AOAH: variants seen among roughly 807,000 people sequenced by gnomAD.
AOAH encodes acyloxyacyl hydrolase.
A neutral mutation model predicts 92.2 loss-of-function variants in AOAH; 64 were observed. The observed-to-expected ratio is 0.69, with a 90% CI of 0.57 to 0.86. The LOEUF is 0.86. Among genes scored for constraint, AOAH ranks in the 40% least tolerant of loss-of-function variants. The pLI, the probability that AOAH is intolerant of heterozygous loss-of-function variation, is 0.00. For missense variants in AOAH, 656 were observed against 694.6 expected (o/e 0.94, Z 0.62); for synonymous variants, 263 against 254.5 (o/e 1.03, Z -0.32).
chr7:36,585,877 T>C (rs571393138), intron 12 of AOAH, among the ~76,000 whole-genome samples: 2 of 152,324 alleles, frequency 1.3e-5, no homozygotes, highest in East Asian at 1.9e-4. Context: ...TTTTACTTTA[T>C]ACACATTAAT....
intron 12 of AOAH, among the ~76,000 whole-genome samples, chr7:36,592,384 G>T (rs1789806153): frequency 6.6e-6 from 1 of 152,130 alleles, no homozygotes; most frequent in Non-Finnish European, 1.5e-5. Flanking sequence ...CCAGATGTCT[G>T]TGCTTATTGG....
intron 6 of AOAH, among the ~76,000 whole-genome samples, chr7:36,626,122 A>G (rs962168474): frequency 2.0e-5 from 3 of 152,170 alleles, no homozygotes; most frequent in Non-Finnish European, 4.4e-5. Flanking sequence ...TTTCTAGTTG[A>G]GAAAAGGAAG....
chr7:36,711,993 C>T (rs1313242194), intron 1 of AOAH, among the ~76,000 whole-genome samples: 1 of 152,148 alleles, frequency 6.6e-6, no homozygotes, highest in Non-Finnish European at 1.5e-5. Flanking sequence ...AAAGGAGACT[C>T]AATTTAACCA....
intron 12 of AOAH, among the ~76,000 whole-genome samples, chr7:36,590,338 T>C (rs12673972): frequency 0.24 from 36,047 of 151,724 alleles, 5,235 homozygotes; most frequent in African/African-American, 0.4. Context: ...CTACTCAATC[T>C]CTTCCTGAAT....
Position 36,692,138 on chromosome 7 carries a change from C to G in AOAH, c.128-5344G>C, listed in dbSNP as rs796733410. ...TGGTTTGTAATACAGCAAAGGCTAT[C>G]TGTACATCTGGCAAAAGTGTCATGA... On this transcript the variant is annotated intron_variant, in intron 1 of 20. Coordinates refer to ENST00000617537, the MANE Select transcript of AOAH (RefSeq NM_001637.4). Among the ~76,000 whole-genome samples, 5 of 152,302 alleles carry G rather than the reference C, an allele frequency of 3.3e-5. No homozygotes were observed. In the East Asian group the frequency reaches 9.7e-4, roughly 29 times the overall value.
At chr7:36,588,750 C>A (rs1046737602) in intron 12 of AOAH, among the ~76,000 whole-genome samples, 1 of 152,148 alleles carries the variant, frequency 6.6e-6, no homozygotes, top group South Asian at 2.1e-4. Context: ...TAACCTTTAA[C>A]GCTTCTATTC....
intron 1 of AOAH, among the ~76,000 whole-genome samples, chr7:36,715,153 C>T (rs1799048913): frequency 6.6e-6 from 1 of 152,084 alleles, no homozygotes; most frequent in East Asian, 1.9e-4. Flanking sequence ...AATCAATGTG[C>T]AAAAATCACA....
At chr7:36,524,508 A>C (rs1337291963) in intron 19 of AOAH, among the ~76,000 whole-genome samples, 1 of 151,008 alleles carries the variant, frequency 6.6e-6, no homozygotes, top group East Asian at 1.9e-4. Flanking sequence ...AACCTAAAAA[A>C]AAAAAAAACA....
At chr7:36,671,187 C>T (rs1303763176) in intron 3 of AOAH, among the ~76,000 whole-genome samples, 5 of 152,112 alleles carry the variant, frequency 3.3e-5, no homozygotes, top group African/African-American at 7.2e-5. Context: ...TTCTTCACAG[C>T]AATCTAGTCA....
intron 12 of AOAH, among the ~76,000 whole-genome samples, chr7:36,579,664 C>CAGCATGGGAGAAAGATGT (rs1192222737): frequency 3.3e-5 from 5 of 152,094 alleles, no homozygotes; most frequent in Non-Finnish European, 7.4e-5. Context: ...AGGAAGCATC[C>CAGCATGGGAGAAAGATGT]AGCATGGGAG....
At chr7:36,617,430 A>G (rs537557951) in intron 10 of AOAH, among the ~76,000 whole-genome samples, 1 of 152,316 alleles carries the variant, frequency 6.6e-6, no homozygotes, top group African/African-American at 2.4e-5. Flanking sequence ...GAGCCTTTAC[A>G]TTTTCTATTC....
chr7:36,567,379 A>T (rs1052647079), intron 13 of AOAH, among the ~76,000 whole-genome samples: 3 of 152,200 alleles, frequency 2.0e-5, no homozygotes, highest in Non-Finnish European at 1.5e-5. Flanking sequence ...ACCCCTGACA[A>T]GCTAAAGGAC....
chr7:36,518,187 CTT>C (rs66510584), intron 20 of AOAH, among the ~76,000 whole-genome samples: 84 of 151,476 alleles, frequency 5.5e-4, no homozygotes, highest in African/African-American at 2.0e-3. Context: ...AGGTAGATCT[CTT>C]TTTTTTGTTT....
Position 36,594,391 on chromosome 7 carries a change from G to A in AOAH, c.886C>T (p.Leu296Phe). The part of the protein sequence containing the change: ...INLPTALTNE[L>F]DWPQLSGATG... ...GCACCAGAGAGTTGGGGCCAGTCAA[G>A]CTCGTTGGTAAGGGCTGTTGGTAGA... Residue 296 changes from leucine to phenylalanine, a missense_variant, in exon 12 of 21, where the codon CTT becomes TTT. Physicochemically the swap from Leu to Phe is conservative, Grantham distance 22. Coordinates refer to ENST00000617537, the MANE Select transcript of AOAH (RefSeq NM_001637.4). 1 of 1,614,072 alleles carries A rather than the reference G, an allele frequency of 6.2e-7. No homozygotes were observed. The highest frequency in any genetic ancestry group is 8.5e-7 in the Non-Finnish European group (1 of 1,179,938).
chr7:36,530,313 C>T (rs1481174173), intron 19 of AOAH, 105 bp downstream of exon 19: 1 of 754,270 alleles, frequency 1.3e-6, no homozygotes, highest in Non-Finnish European at 2.3e-6. Context: ...AGTAACCCTG[C>T]CGAATCTGCT....
At chr7:36,626,778 GTTTGTT>G (rs888315312) in intron 6 of AOAH, among the ~76,000 whole-genome samples, 1 of 152,088 alleles carries the variant, frequency 6.6e-6, no homozygotes, top group African/African-American at 2.4e-5. Flanking sequence ...CTTCTTGTTT[GTTTGTT>G]TTTGTGTTTG....
intron 1 of AOAH, among the ~76,000 whole-genome samples, chr7:36,723,188 T>C (rs1799758967): frequency 6.6e-6 from 1 of 152,126 alleles, no homozygotes; most frequent in African/African-American, 2.4e-5. Flanking sequence ...GGTCTGCTCA[T>C]TGAACAATTA....
At chr7:36,669,248 ATCT>A (rs982856034) in intron 3 of AOAH, among the ~76,000 whole-genome samples, 2 of 152,094 alleles carry the variant, frequency 1.3e-5, no homozygotes, top group African/African-American at 4.8e-5. Flanking sequence ...GAACTGGAAG[ATCT>A]TCTTCATATA....
At chr7:36,556,751 T>A (rs1272192222) in intron 13 of AOAH, among the ~76,000 whole-genome samples, 4 of 135,290 alleles carry the variant, frequency 3.0e-5, no homozygotes, top group Admixed American at 7.7e-5. Flanking sequence ...GCCTTCTTTG[T>A]CTCTTTTGAT....
Sources: gnomAD v4.1 joint callset for allele counts (sites outside exome capture counted in the v4.1 genomes callset) on GRCh38, gnomAD v4.1.1 for gene constraint, MANE v1.5 for transcripts, NCBI Gene and HGNC (gene_info 2026-07-23, HGNC 2026-07-21) for gene names.